Variants in SNRPN observed in about 807,000 individuals in gnomAD.
SNRPN encodes small nuclear ribonucleoprotein-associated protein N.
A neutral mutation model predicts 25.2 loss-of-function variants in SNRPN; 7 were observed. That is an observed-to-expected ratio of 0.28 (90% confidence interval 0.16 to 0.52). SNRPN has a LOEUF of 0.52. Among genes scored for constraint, SNRPN ranks in the 20% least tolerant of loss-of-function variants. The pLI is 0.96. For synonymous variants in SNRPN, 124 were observed against 110.6 expected (o/e 1.12, Z -0.76); for missense variants, 196 against 322.5 (o/e 0.61, Z 3.00).
intron 3 of SNRPN, among the ~76,000 whole-genome samples, chr15:24,925,468 C>T (rs2060314758): frequency 1.3e-5 from 2 of 151,988 alleles, no homozygotes; most frequent in South Asian, 4.2e-4. Flanking sequence ...TGTATGATTG[C>T]GTCCCCCTAC....
At chr15:24,854,326 C>A (rs1326962003), upstream of SNRPN, among the ~76,000 whole-genome samples, 1 of 152,164 alleles carries the variant, frequency 6.6e-6, no homozygotes, top group East Asian at 1.9e-4. Context: ...TTTTTAAAAA[C>A]AATAATGCAT....
At chr15:24,827,129 A>G (rs1303010010) in intron 1 of SNRPN, among the ~76,000 whole-genome samples, 1 of 152,122 alleles carries the variant, frequency 6.6e-6, no homozygotes, top group East Asian at 1.9e-4. Context: ...TGGATTTTGC[A>G]GGACCGGAAG....
At chr15:24,856,138 A>G (rs1407494435), upstream of SNRPN, among the ~76,000 whole-genome samples, 1 of 152,128 alleles carries the variant, frequency 6.6e-6, no homozygotes, top group African/African-American at 2.4e-5. Context: ...TTTTCTCTCT[A>G]GGGCCTTCTC....
chr15:24,862,620 A>T (rs1387541632), intron 1 of SNRPN, among the ~76,000 whole-genome samples: 1 of 151,072 alleles, frequency 6.6e-6, no homozygotes, highest in Non-Finnish European at 1.5e-5. Context: ...ACATAGACAA[A>T]GTTTCCAAAT....
intron 3 of SNRPN, among the ~76,000 whole-genome samples, chr15:24,939,752 G>T (rs868814194): frequency 0.018 from 2,513 of 141,558 alleles, 72 homozygotes; most frequent in African/African-American, 0.062. Flanking sequence ...TTAAAATCAG[G>T]TTTTTTTTTT....
intron 6 of SNRPN, 78 bp from the exon 7 acceptor site, chr15:24,976,799 A>C: frequency 7.7e-7 from 1 of 1,304,956 alleles, no homozygotes; most frequent in Admixed American, 2.1e-5. Context: ...AATGGTGGAG[A>C]GAAGTGATCT....
chr15:24,923,765 G>T (rs899764942), intron 3 of SNRPN, among the ~76,000 whole-genome samples: 2 of 151,986 alleles, frequency 1.3e-5, no homozygotes, highest in East Asian at 1.9e-4. Flanking sequence ...GACAAGTCAG[G>T]ATGGTGGTTA....
chr15:24,871,526 G>A (rs373543736), intron 1 of SNRPN, among the ~76,000 whole-genome samples: 1 of 151,938 alleles, frequency 6.6e-6, no homozygotes. Context: ...ATTGCTGAAG[G>A]ACTAATGATG....
intron 2 of SNRPN, chr15:24,849,568 AG>A (rs1448048089): frequency 1.5e-4 from 23 of 152,408 alleles, no homozygotes; most frequent in African/African-American, 4.8e-4. Flanking sequence ...CACAGGTGTT[AG>A]AGTGTCAGCT....
chr15:24,975,274 T>G, intron 4 of SNRPN, 84 bp from the exon 5 acceptor site: 1 of 1,065,222 alleles, frequency 9.4e-7, no homozygotes, highest in Non-Finnish European at 1.4e-6. Context: ...GCTTAGATTA[T>G]GTAAGGGTGG....
At chr15:24,890,249 AGAG>A (rs2057563517) in intron 2 of SNRPN, among the ~76,000 whole-genome samples, 1 of 152,136 alleles carries the variant, frequency 6.6e-6, no homozygotes, top group African/African-American at 2.4e-5. Context: ...CCCTCATTTC[AGAG>A]GAGTTCTGCC....
At chr15:24,827,055 A>G (rs1451279505) in intron 1 of SNRPN, among the ~76,000 whole-genome samples, 1 of 152,096 alleles carries the variant, frequency 6.6e-6, no homozygotes, top group East Asian at 1.9e-4. Flanking sequence ...TACATATACT[A>G]TAGTAAAAAT....
At chr15:24,896,313 A>G (rs2058077170) in intron 2 of SNRPN, among the ~76,000 whole-genome samples, 1 of 152,168 alleles carries the variant, frequency 6.6e-6, no homozygotes, top group Non-Finnish European at 1.5e-5. Flanking sequence ...GAACCTGCCA[A>G]TAGCATGTGG....
At chr15:24,971,369 C>T (rs1336918745) in intron 3 of SNRPN, among the ~76,000 whole-genome samples, 1 of 152,072 alleles carries the variant, frequency 6.6e-6, no homozygotes, top group Non-Finnish European at 1.5e-5. Context: ...TTTCTTCTTT[C>T]ACTTACAAGG....
intron 5 of SNRPN, 54 bp from the exon 6 acceptor site, chr15:24,976,251 A>T (rs531269198): frequency 7.8e-7 from 1 of 1,285,840 alleles, no homozygotes; most frequent in Admixed American, 1.7e-5. Flanking sequence ...AAATATTTTG[A>T]TGAGTGAGTG....
At chr15:24,863,663 T>C (rs2054227559) in intron 1 of SNRPN, among the ~76,000 whole-genome samples, 1 of 150,850 alleles carries the variant, frequency 6.6e-6, no homozygotes. Flanking sequence ...AATAACTAAA[T>C]GAATTGCCCT....
intron 3 of SNRPN, among the ~76,000 whole-genome samples, chr15:24,922,651 CTGTA>C (rs2060097908): frequency 6.6e-6 from 1 of 152,040 alleles, no homozygotes. Context: ...TTATTCTTAA[CTGTA>C]TGTATTTTTT....
intron 2 of SNRPN, among the ~76,000 whole-genome samples, chr15:24,905,768 G>A (rs1478617800): frequency 6.6e-6 from 1 of 152,164 alleles, no homozygotes; most frequent in East Asian, 1.9e-4. Flanking sequence ...AGCCAGTCAA[G>A]ATTGTTTAGA....
chr15:24,871,708 G>A (rs954908664), intron 1 of SNRPN, among the ~76,000 whole-genome samples: 2 of 151,338 alleles, frequency 1.3e-5, no homozygotes, highest in Non-Finnish European at 2.9e-5. Context: ...CAAATATTTT[G>A]TCTCTTTTTT....
Sources: gnomAD v4.1 joint callset for allele counts (sites outside exome capture counted in the v4.1 genomes callset) on GRCh38, gnomAD v4.1.1 for gene constraint, MANE v1.5 for transcripts, NCBI Gene and HGNC (gene_info 2026-07-23, HGNC 2026-07-21) for gene names.